The following PTPRG variants were observed in gnomAD, a reference collection of about 807,000 sequenced individuals.
PTPRG encodes receptor-type tyrosine-protein phosphatase gamma.
Under a neutral mutation model 165.3 loss-of-function variants are expected in PTPRG, and 102 were observed. The observed-to-expected ratio is 0.62, with a 90% confidence interval of 0.53 to 0.73. The LOEUF is 0.73. Among genes scored for constraint, PTPRG ranks in the 30% least tolerant of loss-of-function variants. The pLI is 0.00. For missense variants in PTPRG, 1,866 were observed against 1,861.4 expected (o/e 1.00, Z -0.05); for synonymous variants, 675 against 669.5 (o/e 1.01, Z -0.13).
At chr3:62,020,393 A>C (rs2041662656) in intron 4 of PTPRG, among the ~76,000 whole-genome samples, 2 of 152,340 alleles carry the variant, frequency 1.3e-5, no homozygotes, top group South Asian at 4.1e-4. Flanking sequence ...AGCTAGAACA[A>C]GTATAGAGGC....
At chr3:61,752,575 G>A (rs1053853066) in intron 2 of PTPRG, among the ~76,000 whole-genome samples, 2 of 151,828 alleles carry the variant, frequency 1.3e-5, no homozygotes, top group Non-Finnish European at 2.9e-5. Context: ...GGCAGATCAC[G>A]AGGTCAGGAG....
chr3:61,861,304 G>C (rs942851759), intron 2 of PTPRG, among the ~76,000 whole-genome samples: 1 of 151,798 alleles, frequency 6.6e-6, no homozygotes, highest in East Asian at 1.9e-4. Context: ...TTTCTTAGTG[G>C]GGAAAAAAAA....
Position 61,738,288 on chromosome 3 carries a change from A to ATG in PTPRG, c.86-10589_86-10588insGT, listed in dbSNP as rs1559583219. Among the ~76,000 whole-genome samples the ATG allele has an allele frequency of 3.9e-4, 27 of 69,836 alleles. 1 individual carries two copies. The highest frequency in any genetic ancestry group is 3.8e-3 in the East Asian group (10 of 2,660). The allele number at this position is 69,836 out of a possible 152,430, so 45.8% of individuals were successfully genotyped here. A position where few individuals can be genotyped will look rare whatever the true frequency, so the allele number is the denominator to read the frequency against. ...TATATATATATATATACATATATATATATATATATATATATATATATATAC... is the reference window on the plus strand; with the variant it reads ...TATATATATATATATACATATATATATGTATATATATATATATATATATATAC... On this transcript the variant is annotated intron_variant, in intron 1 of 29. Coordinates refer to ENST00000474889, the MANE Select transcript of PTPRG (RefSeq NM_002841.4).
At chr3:61,688,352 G>C (rs1703706993) in intron 1 of PTPRG, among the ~76,000 whole-genome samples, 1 of 152,202 alleles carries the variant, frequency 6.6e-6, no homozygotes, top group African/African-American at 2.4e-5. Flanking sequence ...CCTAGACTCT[G>C]TATCCTGGCA....
intron 1 of PTPRG, among the ~76,000 whole-genome samples, chr3:61,596,848 A>G (rs984663382): frequency 1.2e-4 from 18 of 152,160 alleles, no homozygotes; most frequent in Non-Finnish European, 2.6e-4. Flanking sequence ...TTAGAAGTGA[A>G]TAATTGTCTC....
chr3:61,681,054 T>TAAAAAAAAAAAAAAAA (rs61198100), intron 1 of PTPRG, among the ~76,000 whole-genome samples: 4 of 66,100 alleles, frequency 6.1e-5, no homozygotes, highest in Non-Finnish European at 8.8e-5. Flanking sequence ...CTTTATGTTC[T>TAAAAAAAAAAAAAAAA]AAAAAAAAAA....
intron 4 of PTPRG, among the ~76,000 whole-genome samples, chr3:62,057,604 A>G (rs993866929): frequency 1.8e-4 from 27 of 152,368 alleles, no homozygotes; most frequent in African/African-American, 6.5e-4. Flanking sequence ...ACTGCAAAGA[A>G]TGCCAGCTAA....
chr3:61,917,007 C>T (rs185376239), intron 2 of PTPRG, among the ~76,000 whole-genome samples: 1 of 152,164 alleles, frequency 6.6e-6, no homozygotes, highest in Non-Finnish European at 1.5e-5. Context: ...CTGTTTTCTT[C>T]TGAAGCCTTC....
chr3:61,799,344 G>A (rs1015070992), intron 2 of PTPRG, among the ~76,000 whole-genome samples: 3 of 152,044 alleles, frequency 2.0e-5, no homozygotes, highest in Non-Finnish European at 4.4e-5. Flanking sequence ...TAGAGTTCTC[G>A]TCATTACTAG....
At chr3:62,098,840 T>G (rs1483305879) in intron 5 of PTPRG, among the ~76,000 whole-genome samples, 1 of 152,192 alleles carries the variant, frequency 6.6e-6, no homozygotes, top group Non-Finnish European at 1.5e-5. Context: ...CATCTCCTTG[T>G]TAACAGATGG....
chr3:61,645,098 AT>A (rs1559537884), intron 1 of PTPRG, among the ~76,000 whole-genome samples: 1 of 152,216 alleles, frequency 6.6e-6, no homozygotes, highest in East Asian at 1.9e-4. Flanking sequence ...AGGGTTAAAA[AT>A]ATAATATAAA....
intron 1 of PTPRG, among the ~76,000 whole-genome samples, chr3:61,629,094 C>T (rs1264039564): frequency 6.6e-6 from 1 of 152,142 alleles, no homozygotes; most frequent in East Asian, 1.9e-4. Flanking sequence ...GAAATAGAGG[C>T]ATTTGTGCCT....
intron 2 of PTPRG, among the ~76,000 whole-genome samples, chr3:61,936,290 A>G (rs566462085): frequency 6.6e-6 from 1 of 152,248 alleles, no homozygotes; most frequent in Non-Finnish European, 1.5e-5. Flanking sequence ...TGGGACAGGT[A>G]CTAGTTCTAT....
rs922750384 is a variant in PTPRG, at chr3:62,289,079, G to T, written c.4056-3342G>T. ...TGTGGTGTGTGCCAATCTCTGTTCT[G>T]AGCCATTTACAAGTATCAGCTCAAT... On this transcript the variant is annotated intron_variant, in intron 28 of 29. Transcript: ENST00000474889. Among the ~76,000 whole-genome samples, 5 of 152,262 alleles carry T rather than the reference G, an allele frequency of 3.3e-5. No homozygotes were observed. The South Asian group carries it at 6.2e-4, about 19-fold the overall frequency.
At position 62,277,005 on chromosome 3, in the gene PTPRG, C is replaced by T; in HGVS notation, c.3593C>T (p.Pro1198Leu). Residue 1198 changes from proline (P) to leucine (L), a missense_variant, in exon 25 of 30, where the codon CCT (proline) becomes CTT (leucine). Pro to Leu is a moderately conservative substitution (Grantham distance 98, BLOSUM62 -3). Around this residue, in one of 3 missense-constraint regions of PTPRG, gnomAD observed 1,452 missense variants for 1,463.0 expected, o/e 0.99. Transcript: ENST00000474889. ...ERARVGLAPL[P>L]GMKGTDYINA... ...GCTCGAGTGGGTCTTGCACCATTGC[C>T]TGGAATGAAAGGAACAGATTACATT... 4 of 1,613,070 alleles carry T rather than the reference C, an allele frequency of 2.5e-6. No individual in the cohort carries two copies. Among genetic ancestry groups the T allele is most frequent in the Non-Finnish European group, 3.4e-6 (4 of 1,179,344 alleles).
chr3:61,715,804 G>C (rs2031777305), intron 1 of PTPRG, among the ~76,000 whole-genome samples: 2 of 151,960 alleles, frequency 1.3e-5, no homozygotes, highest in Admixed American at 1.3e-4. Context: ...ACACGCCTCT[G>C]TGGTCTCCAG....
chr3:61,838,134 G>GT (rs1162121519), intron 2 of PTPRG, among the ~76,000 whole-genome samples: 42 of 152,314 alleles, frequency 2.8e-4, no homozygotes, highest in African/African-American at 9.9e-4. Flanking sequence ...ATTTCAGATG[G>GT]TGAATGGGAG....
chr3:61,991,897 C>G (rs2040901355), intron 3 of PTPRG, among the ~76,000 whole-genome samples: 1 of 152,232 alleles, frequency 6.6e-6, no homozygotes, highest in African/African-American at 2.4e-5. Context: ...TCACTCGATG[C>G]AAGCTGATTC....
At chr3:62,114,282 G>A (rs528612719) in intron 5 of PTPRG, among the ~76,000 whole-genome samples, 3 of 152,004 alleles carry the variant, frequency 2.0e-5, no homozygotes, top group Non-Finnish European at 4.4e-5. Context: ...CTGGGCAACC[G>A]AGTGAGACTT....
Sources: allele counts gnomAD v4.1 joint callset (sites outside exome capture counted in the v4.1 genomes callset), GRCh38; gene constraint gnomAD v4.1.1; regional missense constraint gnomAD v4.1.1; transcripts MANE v1.5; gene names NCBI Gene and HGNC (gene_info 2026-07-23, HGNC 2026-07-21).